The following DHTKD1 variants were observed in gnomAD, a reference collection of about 807,000 sequenced individuals.
The protein encoded by DHTKD1 is 2-oxoadipate dehydrogenase complex component E1.
In DHTKD1, 78 loss-of-function variants were observed where a neutral mutation model predicts 101.8. The observed-to-expected ratio is 0.77, with a 90% confidence interval of 0.64 to 0.93. The LOEUF (loss-of-function observed/expected upper bound fraction) is 0.93. Among genes scored for constraint, DHTKD1 ranks in the 40% least tolerant of loss-of-function variants. The pLI is 0.00. For synonymous variants in DHTKD1, 462 were observed against 450.3 expected, an observed-to-expected ratio of 1.03 and a Z score of -0.33; for missense variants, 1,223 against 1,161.7, an observed-to-expected ratio of 1.05 and a Z score of -0.77.
intron 1 of DHTKD1, among the ~76,000 whole-genome samples, chr10:12,075,956 G>C (rs1254273392): frequency 7.2e-6 from 1 of 139,466 alleles, no homozygotes; most frequent in Admixed American, 7.1e-5. Context: ...AAAAAAAAAA[G>C]GAAAAAGAAA....
At chr10:12,075,426 G>C (rs1832710695) in intron 1 of DHTKD1, among the ~76,000 whole-genome samples, 2 of 152,110 alleles carry the variant, frequency 1.3e-5, no homozygotes, top group African/African-American at 4.8e-5. Flanking sequence ...ATTTTTAGTA[G>C]AGATGGGGTT....
Position 12,097,995 on chromosome 10 carries a change from A to G in DHTKD1, c.1670A>G (p.Gln557Arg). 1 of 1,594,756 alleles carries G rather than the reference A, an allele frequency of 6.3e-7. No homozygotes were observed. ...AGTCACCTGCTGAAGACACATGTTC[A>G]GGTGGGCAGCCTCCAAATGGCTGGT... ...MHSHLLKTHVQSRMEKMMDGI... is the reference protein window; with the variant it reads ...MHSHLLKTHVRSRMEKMMDGI... Residue 557 changes from glutamine to arginine, a missense_variant and splice_region_variant, in exon 8 of 17, where the codon CAG (glutamine) becomes CGG (arginine). By Grantham distance (43) the Gln-to-Arg change is conservative. Coordinates refer to ENST00000263035, the MANE Select transcript of DHTKD1 (RefSeq NM_018706.7).
At chr10:12,119,564 C>A (rs1377336993) in intron 15 of DHTKD1, among the ~76,000 whole-genome samples, 6 of 143,996 alleles carry the variant, frequency 4.2e-5, no homozygotes, top group South Asian at 2.2e-4. Flanking sequence ...TGCAGTGAGC[C>A]GAGATTGCGC....
At chr10:12,104,881 C>T (rs1407245401) in intron 10 of DHTKD1, among the ~76,000 whole-genome samples, 3 of 146,448 alleles carry the variant, frequency 2.0e-5, no homozygotes, top group African/African-American at 2.5e-5. Context: ...ATTTTTTTTT[C>T]TTTTTTTTTT....
intron 2 of DHTKD1, among the ~76,000 whole-genome samples, 184 bp downstream of exon 2, chr10:12,081,811 G>A (rs1832824717): frequency 3.9e-5 from 6 of 152,040 alleles, no homozygotes; most frequent in Admixed American, 3.9e-4. Flanking sequence ...TTCTGAGGAG[G>A]CCTGTTTTCT....
At chr10:12,096,470 C>G (rs1833072199) in intron 7 of DHTKD1, among the ~76,000 whole-genome samples, 2 of 152,104 alleles carry the variant, frequency 1.3e-5, no homozygotes, top group African/African-American at 2.4e-5. Context: ...ACTGTAGCCT[C>G]GACTTCCTGG....
Position 12,101,155 on chromosome 10 carries a change from G to A in DHTKD1, c.1870G>A (p.Asp624Asn). The A allele has an allele frequency of 6.2e-7, 1 of 1,613,944 alleles. No homozygotes were observed. The highest frequency in any genetic ancestry group is 1.6e-4 in the Middle Eastern group (1 of 6,062). ...CACCTACATCCCCCTGAACCATATG[G>A]ACCCAAATCAGAAGGGGTTTCTAGA... is the stretch of plus-strand genomic sequence containing the variant. ...DDTYIPLNHM[D>N]PNQKGFLEVS... Residue 624 changes from aspartate to asparagine, a missense_variant, in exon 10 of 17, where the codon GAC becomes AAC. Asp to Asn is a conservative substitution (Grantham distance 23). Coordinates refer to ENST00000263035, the MANE Select transcript of DHTKD1 (RefSeq NM_018706.7).
chr10:12,121,308 C>A lies in DHTKD1; in HGVS notation c.*420C>A, dbSNP rs941705597. ...TTGGGTAACATGAAAAGACTGTATTCCTCTAAGATGTTGGGATTGATATAC... is the reference window on the plus strand; with the variant it reads ...TTGGGTAACATGAAAAGACTGTATTACTCTAAGATGTTGGGATTGATATAC... On this transcript the variant is annotated 3_prime_UTR_variant, in exon 17 of 17. Coordinates refer to ENST00000263035, the MANE Select transcript of DHTKD1 (RefSeq NM_018706.7). 1 of 178,120 alleles carries A rather than the reference C, an allele frequency of 5.6e-6. No homozygotes were observed. The allele number at this position is 178,120 out of a possible 1,614,324, so 11.0% of individuals were successfully genotyped here. A position where few individuals can be genotyped will look rare whatever the true frequency, so the allele number is the denominator to read the frequency against.
intron 14 of DHTKD1, among the ~76,000 whole-genome samples, chr10:12,118,388 T>TA (rs1438103768): frequency 6.7e-6 from 1 of 150,092 alleles, no homozygotes; most frequent in Non-Finnish European, 1.5e-5. Flanking sequence ...TAATTCTCTT[T>TA]TTTTTTTTTT....
At chr10:12,076,365 A>G (rs1489236057) in intron 1 of DHTKD1, among the ~76,000 whole-genome samples, 2 of 152,172 alleles carry the variant, frequency 1.3e-5, no homozygotes, top group African/African-American at 2.4e-5. Context: ...AGTCCCAGCT[A>G]CTTGGGAGGC....
At chr10:12,119,244 T>C (rs1833475054) in intron 15 of DHTKD1, among the ~76,000 whole-genome samples, 1 of 150,976 alleles carries the variant, frequency 6.6e-6, no homozygotes, top group African/African-American at 2.4e-5. Context: ...AGACGGAGGT[T>C]GCAGTGAGCC....
At chr10:12,078,980 A>T (rs1289416176) in intron 1 of DHTKD1, among the ~76,000 whole-genome samples, 2 of 152,132 alleles carry the variant, frequency 1.3e-5, no homozygotes, top group Non-Finnish European at 2.9e-5. Flanking sequence ...ATTGCCCTGT[A>T]TGTTTGCTAT....
In DHTKD1 at chr10:12,097,868, C is replaced by T. The variant is rs762729182; in HGVS notation, c.1543C>T (p.Pro515Ser). ...GGCCCACTGGCAGGGCCTGGCTCAG[C>T]CAGAAGCGCAAATCACCACCTGGAG... ...LQAHWQGLAQPEAQITTWSTG... is the reference protein window; with the variant it reads ...LQAHWQGLAQSEAQITTWSTG... Residue 515 changes from proline to serine, a missense_variant, in exon 8 of 17, where the codon CCA (proline) becomes TCA (serine). Coordinates refer to ENST00000263035, the MANE Select transcript of DHTKD1 (RefSeq NM_018706.7). 1.1e-5 allele frequency: 17 copies of T among 1,614,230 alleles called. 2 individuals carry two copies. Among genetic ancestry groups the T allele is most frequent in the Middle Eastern group, 1.6e-4 (1 of 6,062 alleles).
chr10:12,100,968 A>C, intron 9 of DHTKD1, 74 bp from the exon 10 acceptor site: 1 of 1,496,666 alleles, frequency 6.7e-7, no homozygotes. Flanking sequence ...CCAGTATATA[A>C]GAATTTACAG....
chr10:12,072,476 T>C (rs1827538511), intron 1 of DHTKD1, among the ~76,000 whole-genome samples: 1 of 46,426 alleles, frequency 2.2e-5, no homozygotes, highest in Non-Finnish European at 6.3e-5. Context: ...AATAAATAAA[T>C]AAATAAATAA....
rs770862302 is a variant in DHTKD1, at chr10:12,089,119, T to C, written c.851T>C (p.Leu284Ser). The C allele has an allele frequency of 1.5e-5, 25 of 1,614,066 alleles. No homozygotes were observed. In the South Asian group the frequency reaches 2.5e-4, roughly 16 times the overall value. Reference sequence around the variant, plus strand: ...CACCATCCCCTCCATGTGACAATGTTGCCCAATCCCTCGCACCTGGAGGCC... The same window carrying C: ...CACCATCCCCTCCATGTGACAATGTCGCCCAATCCCTCGCACCTGGAGGCC... ...GAHHPLHVTM[L>S]PNPSHLEAVN... Residue 284 changes from leucine (L) to serine (S), a missense_variant, in exon 5 of 17, where the codon TTG (leucine) becomes TCG (serine). Coordinates refer to ENST00000263035, the MANE Select transcript of DHTKD1 (RefSeq NM_018706.7).
rs1588621751 is a variant in DHTKD1, at chr10:12,120,460, A to G, written c.2658+193A>G. On this transcript the variant is annotated intron_variant, in intron 16 of 16. Coordinates refer to ENST00000263035, the MANE Select transcript of DHTKD1 (RefSeq NM_018706.7). ...GCCATTCTCCTGCCTCAGCCTCCCA[A>G]GTAGCTGGGACTACAGGCGCCCGCC... 19 of 540,196 alleles carry G rather than the reference A, an allele frequency of 3.5e-5. No individual in the cohort carries two copies. The East Asian group carries it at 6.4e-4, about 18-fold the overall frequency. The allele number at this position is 540,196 out of a possible 1,614,324, so 33.5% of individuals were successfully genotyped here.
At chr10:12,101,267 G>T in intron 10 of DHTKD1, 86 bp downstream of exon 10, 1 of 1,457,754 alleles carries the variant, frequency 6.9e-7, no homozygotes. Flanking sequence ...AGGAGTGCTG[G>T]CAACTTTGGG....
At position 12,089,191 on chromosome 10, in the gene DHTKD1, G is replaced by C. The variant is rs17849603; in HGVS notation, c.923G>C (p.Arg308Pro). ...VGKTRGRQQSRQDGDYSPDNS... is the reference protein window; with the variant it reads ...VGKTRGRQQSPQDGDYSPDNS... ...AAAACTCGCGGCAGGCAGCAGTCTC[G>C]CCAAGACGGCGATTACTCTCCAGAC... is the stretch of plus-strand genomic sequence containing the variant. The change falls in exon 5 of 17, where the codon CGC (arginine) becomes CCC (proline). Residue 308 changes from arginine to proline, a missense_variant. By Grantham distance (103) the Arg-to-Pro change is moderately radical (BLOSUM62 -2). Coordinates refer to ENST00000263035, the MANE Select transcript of DHTKD1 (RefSeq NM_018706.7). The C allele has an allele frequency of 6.2e-7, 1 of 1,614,138 alleles. No homozygotes were observed. Among genetic ancestry groups the C allele is most frequent in the African/African-American group, 1.3e-5 (1 of 75,042 alleles).
Sources: gnomAD v4.1 joint callset for allele counts (sites outside exome capture counted in the v4.1 genomes callset) on GRCh38, gnomAD v4.1.1 for gene constraint, MANE v1.5 for transcripts, NCBI Gene and HGNC (gene_info 2026-07-23, HGNC 2026-07-21) for gene names.